FAM20B: variants seen among roughly 807,000 people sequenced by gnomAD.
FAM20B encodes FAM20B glycosaminoglycan xylosylkinase.
Under a neutral mutation model 43.8 loss-of-function variants are expected in FAM20B, and 23 were observed. The ratio of observed to expected loss-of-function variants is 0.53; its 90% CI spans 0.38 to 0.74. FAM20B has a LOEUF of 0.74. Ranked by LOEUF, FAM20B falls within the 30% of genes least tolerant of loss-of-function variation. FAM20B has a pLI of 0.00. For synonymous variants in FAM20B, 178 were observed against 192.4 expected (o/e 0.93, Z 0.62); for missense variants, 440 against 510.5 (o/e 0.86, Z 1.33).
At chr1:179,025,777 T>G (rs1572522068), upstream of FAM20B, 2 of 130,128 alleles carry the variant, frequency 1.5e-5, no homozygotes, top group African/African-American at 3.0e-5. Context: ...GCGGGTCCGG[T>G]AGGGGCCGCC....
At chr1:179,057,708 A>T (rs572424212) in intron 4 of FAM20B, among the ~76,000 whole-genome samples, 29 of 152,120 alleles carry the variant, frequency 1.9e-4, no homozygotes, top group Non-Finnish European at 3.1e-4. Context: ...ACTTTATTTC[A>T]CTTCTGTTTG....
At chr1:179,067,984 AACTATTG>A (rs1651760530) in intron 7 of FAM20B, among the ~76,000 whole-genome samples, 2 of 152,068 alleles carry the variant, frequency 1.3e-5, no homozygotes, top group Admixed American at 6.5e-5. Context: ...GCTGGTGTCA[AACTATTG>A]ACTTCAAGTG....
chr1:179,052,601 T>G (rs6425516), intron 3 of FAM20B, among the ~76,000 whole-genome samples: 70,712 of 151,706 alleles, frequency 0.47, 16,852 homozygotes, highest in African/African-American at 0.54. Context: ...GAATACAAAA[T>G]TCAAAGATAT....
the FAM20B span, among the ~76,000 whole-genome samples, chr1:179,020,767 AG>A: frequency 2.0e-5 from 3 of 152,164 alleles, no homozygotes; most frequent in African/African-American, 7.2e-5. Flanking sequence ...GCAGGCATAG[AG>A]CTATTTAAAA....
rs201161140 is a variant in FAM20B at position 179,060,090 on chromosome 1, A to AAT, written c.575-3826_575-3825dup. Among the ~76,000 whole-genome samples the AAT allele has an allele frequency of 2.8e-3, 300 of 108,676 alleles. 4 individuals carry two copies. The Middle Eastern group carries it at 0.033, about 12-fold the overall frequency. The allele number at this position is 108,676 out of a possible 152,430, so 71.3% of individuals were successfully genotyped here. Reference sequence around the variant, plus strand: ...AATTTCCTTATGTCTTTTTGTATGAAATATATATATATTTTTTTATTTATC... The same window carrying AAT: ...AATTTCCTTATGTCTTTTTGTATGAAATATATATATATATTTTTTTATTTATC... On this transcript the variant is annotated intron_variant, in intron 4 of 7. Transcript: ENST00000263733.
chr1:179,040,342 G>A (rs1396166953), intron 1 of FAM20B, among the ~76,000 whole-genome samples: 7 of 151,844 alleles, frequency 4.6e-5, no homozygotes, highest in African/African-American at 1.7e-4. Context: ...CCTGGACGGG[G>A]TGGCCGGCCG....
intron 2 of FAM20B, among the ~76,000 whole-genome samples, chr1:179,047,891 A>C (rs1366917713): frequency 1.3e-5 from 2 of 152,224 alleles, no homozygotes; most frequent in African/African-American, 2.4e-5. Flanking sequence ...TCAGTGACTT[A>C]AGATGGATCA....
chr1:179,035,254 T>G, intron 1 of FAM20B: 1 of 531,700 alleles, frequency 1.9e-6, no homozygotes, highest in Non-Finnish European at 3.5e-6. Context: ...ACAATTTCCA[T>G]TGTATTTTTC....
At chr1:179,064,167 G>T in intron 5 of FAM20B, 69 bp downstream of exon 5, 1 of 1,466,464 alleles carries the variant, frequency 6.8e-7, no homozygotes, top group Non-Finnish European at 9.4e-7. Context: ...CTGTAAAGGA[G>T]CCAGCAGTTC....
chr1:179,042,604 C>G (rs755452313), intron 1 of FAM20B, among the ~76,000 whole-genome samples: 28 of 152,296 alleles, frequency 1.8e-4, no homozygotes, highest in Non-Finnish European at 3.4e-4. Flanking sequence ...TGCATTACAG[C>G]TCTTTCAGTC....
chr1:179,046,228 A>T (rs1459410715), intron 2 of FAM20B, among the ~76,000 whole-genome samples: 2 of 152,246 alleles, frequency 1.3e-5, no homozygotes, highest in Admixed American at 6.5e-5. Flanking sequence ...ATAAGTGATG[A>T]CGTGGAGCAC....
chr1:179,057,942 A>C (rs1651298758), intron 4 of FAM20B, among the ~76,000 whole-genome samples: 1 of 152,200 alleles, frequency 6.6e-6, no homozygotes, highest in African/African-American at 2.4e-5. Flanking sequence ...AGGTAGATAC[A>C]GTGGGAAAGA....
intron 3 of FAM20B, among the ~76,000 whole-genome samples, chr1:179,050,674 G>A (rs537189243): frequency 2.0e-5 from 3 of 152,296 alleles, no homozygotes; most frequent in African/African-American, 4.8e-5. Flanking sequence ...TGAACTGGTC[G>A]TTAATTGGGT....
chr1:179,045,977 A>T (rs1455014424), intron 2 of FAM20B, among the ~76,000 whole-genome samples: 2 of 152,032 alleles, frequency 1.3e-5, no homozygotes, highest in African/African-American at 4.8e-5. Flanking sequence ...TTTGCCAGGG[A>T]TTACACTAAG....
rs998264865 is a variant in FAM20B, at chr1:179,075,867, A to G, written c.*3723A>G. On this transcript the variant is annotated 3_prime_UTR_variant, in exon 8 of 8. Transcript: ENST00000263733. ...CACCCGTGTATTCTTTGACCAGTAA[A>G]TGACCACACCTCAATGATGGTAAAA... 2.0e-5 allele frequency: 3 copies of G among 152,092 alleles called. No homozygotes were observed. Among genetic ancestry groups the G allele is most frequent in the Admixed American group, 2.0e-4 (3 of 15,272 alleles). 9.4% of individuals were successfully genotyped at this position (152,092 alleles called of 1,614,324 possible).
At chr1:179,054,696 C>A in intron 4 of FAM20B, 58 bp downstream of exon 4, 1 of 1,041,120 alleles carries the variant, frequency 9.6e-7, no homozygotes, top group Non-Finnish European at 1.5e-6. Context: ...TAAAATGGGG[C>A]ATTGTTGAGC....
intron 6 of FAM20B, among the ~76,000 whole-genome samples, chr1:179,066,144 C>G (rs1651679536): frequency 6.6e-6 from 1 of 152,168 alleles, no homozygotes; most frequent in Middle Eastern, 3.2e-3. Flanking sequence ...AGGACCTACA[C>G]TGTACTAAGG....
At chr1:179,039,543 C>G (rs537336387) in intron 1 of FAM20B, among the ~76,000 whole-genome samples, 1 of 152,126 alleles carries the variant, frequency 6.6e-6, no homozygotes, top group South Asian at 2.1e-4. Flanking sequence ...TTAATGTACC[C>G]AGTTTTGATT....
intron 1 of FAM20B, among the ~76,000 whole-genome samples, chr1:179,042,106 G>C (rs1004268106): frequency 6.6e-6 from 1 of 152,188 alleles, no homozygotes; most frequent in African/African-American, 2.4e-5. Flanking sequence ...CTCTGTGGCC[G>C]TGGTGCCTTC....
Sources: allele counts gnomAD v4.1 joint callset (sites outside exome capture counted in the v4.1 genomes callset), GRCh38; gene constraint gnomAD v4.1.1; transcripts MANE v1.5; gene names NCBI Gene and HGNC (gene_info 2026-07-23, HGNC 2026-07-21).